The following MTOR variants were observed in gnomAD, a reference collection of about 807,000 sequenced individuals.
The protein encoded by MTOR is mechanistic target of rapamycin kinase, also known as serine/threonine-protein kinase mTOR.
MTOR carries 70 observed loss-of-function variants against 319.8 expected under a neutral mutation model. That is an observed-to-expected ratio of 0.22 (90% CI 0.18 to 0.27). MTOR has a LOEUF of 0.27. Ranked by LOEUF, MTOR falls within the 10% of genes least tolerant of loss-of-function variation. MTOR has a pLI of 1.00. For missense variants in MTOR, 1,890 were observed against 3,274.4 expected (o/e 0.58, Z 10.32); for synonymous variants, 1,183 against 1,211.4 (o/e 0.98, Z 0.49).
At chr1:11,111,174 C>T (rs1236124301) in intron 54 of MTOR, 1 of 455,618 alleles carries the variant, frequency 2.2e-6, no homozygotes, top group Admixed American at 2.4e-5. Context: ...TTCCACCCAT[C>T]CAATAAGGAT....
chr1:11,257,785 C>A (rs1650609220), intron 3 of MTOR, among the ~76,000 whole-genome samples: 1 of 152,134 alleles, frequency 6.6e-6, no homozygotes, highest in Non-Finnish European at 1.5e-5. Context: ...TAATAATTCA[C>A]AGGACTGATG....
At position 11,133,033 on chromosome 1, in the gene MTOR, G is replaced by C; in HGVS notation, c.5364+47C>G. 1 of 1,539,072 alleles carries C rather than the reference G, an allele frequency of 6.5e-7. No homozygotes were observed. Among genetic ancestry groups the C allele is most frequent in the Non-Finnish European group, 9.0e-7 (1 of 1,113,440 alleles). On this transcript the variant is annotated intron_variant, in intron 38 of 57. Transcript: ENST00000361445. This position sits in a 1 kb window ranked among gnomAD's most constrained non-coding sequence, Gnocchi z 4.0. The stretch of plus-strand genomic sequence containing the variant: ...TAACCACGAGCACACAGGAGGACAC[G>C]AGCCAGCCAGGGTGCTGGGTCTCAC...
intron 38 of MTOR, chr1:11,131,535 A>C (rs1033103901): frequency 6.6e-6 from 1 of 152,356 alleles, no homozygotes; most frequent in Non-Finnish European, 1.5e-5. Context: ...AGACATGAAG[A>C]GCATAGGAGC....
At chr1:11,180,766 C>T (rs1021581100) in intron 28 of MTOR, among the ~76,000 whole-genome samples, 89 of 151,680 alleles carry the variant, frequency 5.9e-4, no homozygotes, top group African/African-American at 2.0e-3. Context: ...CTACAGCTGC[C>T]CAGAAATAAG....
chr1:11,234,191 G>A lies in MTOR; in HGVS notation c.2283C>T (p.Val761=), dbSNP rs746829338. 1.4e-5 allele frequency: 22 copies of A among 1,613,998 alleles called. 1 individual carries two copies. The Admixed American group carries it at 2.0e-4, about 15-fold the overall frequency. ...EQSARMLGHL[V]SNAPRLIRPY... ...GGCGGATGAGTCGGGGGGCATTGGA[G>A]ACCAGGTGCCCCAGCATGCGGGCAC... Residue 761 remains valine (V), a synonymous_variant, in exon 14 of 58, where the codon GTC becomes GTT. Coordinates refer to ENST00000361445, the MANE Select transcript of MTOR (RefSeq NM_004958.4).
chr1:11,193,605 G>GC (rs751345660), intron 28 of MTOR: 1 of 1,604,360 alleles, frequency 6.2e-7, no homozygotes, highest in Non-Finnish European at 8.5e-7. Context: ...GAGACTTCAG[G>GC]CGGAGGCTGG....
intron 47 of MTOR, 40 bp downstream of exon 47, chr1:11,124,458 A>C: frequency 6.3e-7 from 1 of 1,587,702 alleles, no homozygotes; most frequent in Non-Finnish European, 8.6e-7. Context: ...AAAAACCAGA[A>C]GACTTCTCAA....
intron 19 of MTOR, among the ~76,000 whole-genome samples, chr1:11,218,108 T>C (rs996780967): frequency 4.6e-5 from 7 of 152,234 alleles, no homozygotes; most frequent in Non-Finnish European, 5.9e-5. Flanking sequence ...TGATTCCCCA[T>C]ACAAATATGT....
rs2100782188 is a variant in MTOR, at chr1:11,209,412, T to A, written c.3701A>T (p.His1234Leu). ...CCCTTGGCCACTCCTAAGCATCCGA[T>A]GCTGGTAAATCAAAGGATCCTCCTC... The part of the protein sequence containing the change: ...DEEEDPLIYQ[H>L]RMLRSGQGDA... The change falls in exon 25 of 58, where the codon CAT becomes CTT. Residue 1234 changes from histidine (H) to leucine (L), a missense_variant. His to Leu is a moderately conservative substitution (Grantham distance 99). Around this residue, in one of 15 missense-constraint regions of MTOR, gnomAD observed 115 missense variants for 105.7 expected, o/e 1.09. Coordinates refer to ENST00000361445, the MANE Select transcript of MTOR (RefSeq NM_004958.4). 6.2e-7 allele frequency: 1 copy of A among 1,614,222 alleles called. No individual in the cohort carries two copies. Among genetic ancestry groups the A allele is most frequent in the Middle Eastern group, 1.6e-4 (1 of 6,062 alleles).
At chr1:11,209,199 T>C in intron 25 of MTOR, 113 bp downstream of exon 25, 1 of 1,323,114 alleles carries the variant, frequency 7.6e-7, no homozygotes, top group Non-Finnish European at 1.0e-6. Context: ...TCTAGATTTC[T>C]GGAAAAAACA....
intron 8 of MTOR, among the ~76,000 whole-genome samples, chr1:11,243,720 G>A (rs1252533997): frequency 6.6e-6 from 1 of 151,172 alleles, no homozygotes; most frequent in East Asian, 1.9e-4. Context: ...AACGTAAAAG[G>A]TTGCCAAAAC....
intron 15 of MTOR, 57 bp downstream of exon 15, chr1:11,233,341 G>T: frequency 1.4e-6 from 2 of 1,479,018 alleles, no homozygotes; most frequent in Non-Finnish European, 1.9e-6. Flanking sequence ...GACTTCCTTA[G>T]AGGTTAGTTT....
chr1:11,240,204 G>C, intron 11 of MTOR, 99 bp downstream of exon 11: 1 of 1,458,958 alleles, frequency 6.9e-7, no homozygotes, highest in Non-Finnish European at 9.1e-7. Flanking sequence ...CCTGTCTTTA[G>C]CACCCCAGCA....
chr1:11,228,244 G>A (rs765176067), intron 19 of MTOR, among the ~76,000 whole-genome samples: 2 of 151,578 alleles, frequency 1.3e-5, no homozygotes, highest in Non-Finnish European at 2.9e-5. Context: ...GCTGAAGCAC[G>A]GTGGCTCGAT....
chr1:11,118,449 C>T (rs1035673620), intron 49 of MTOR, among the ~76,000 whole-genome samples: 4 of 151,410 alleles, frequency 2.6e-5, no homozygotes, highest in Non-Finnish European at 5.9e-5. Flanking sequence ...GTTGGTCAGG[C>T]TGGTCTTGAA....
intron 3 of MTOR, among the ~76,000 whole-genome samples, chr1:11,258,041 C>T (rs1164440345): frequency 2.0e-5 from 3 of 150,004 alleles, no homozygotes; most frequent in Non-Finnish European, 4.4e-5. Flanking sequence ...ACCCAGGAGG[C>T]GGAGGTTGCA....
intron 6 of MTOR, 37 bp from the exon 7 acceptor site, chr1:11,248,131 A>C (rs1649093146): frequency 1.3e-6 from 2 of 1,539,916 alleles, no homozygotes; most frequent in East Asian, 4.5e-5. Flanking sequence ...ATCTTTACTT[A>C]TGACTGGCAT....
intron 8 of MTOR, among the ~76,000 whole-genome samples, chr1:11,243,643 G>A (rs61045524): frequency 0.057 from 8,582 of 150,052 alleles, 348 homozygotes; most frequent in South Asian, 0.12. Context: ...AGGTGTGATC[G>A]TGTGCAGCAC....
chr1:11,239,763 G>C (rs1030109253), intron 11 of MTOR, among the ~76,000 whole-genome samples: 1 of 151,830 alleles, frequency 6.6e-6, no homozygotes, highest in Non-Finnish European at 1.5e-5. Flanking sequence ...AAATTAGCCG[G>C]GTGTGGTGAC....
Sources: allele counts gnomAD v4.1 joint callset (sites outside exome capture counted in the v4.1 genomes callset), GRCh38; gene constraint gnomAD v4.1.1; regional missense constraint gnomAD v4.1.1; non-coding constraint Gnocchi (gnomAD v3.1); transcripts MANE v1.5; gene names NCBI Gene and HGNC (gene_info 2026-07-23, HGNC 2026-07-21).